Variants in FHOD3 observed in about 807,000 individuals in gnomAD.
The protein encoded by FHOD3 is FH1/FH2 domain-containing protein 3.
In FHOD3, 90 loss-of-function variants were observed where a neutral mutation model predicts 173.0. The observed-to-expected ratio is 0.52, with a 90% confidence interval of 0.44 to 0.62. FHOD3 has a LOEUF of 0.62. FHOD3 is among the 20% of genes least tolerant of loss of function. The pLI, the probability that FHOD3 is intolerant of heterozygous loss-of-function variation, is 0.00. For missense variants in FHOD3, 1,945 were observed against 2,034.7 expected (o/e 0.96, Z 0.85); for synonymous variants, 828 against 823.0 (o/e 1.01, Z -0.10).
intron 15 of FHOD3, among the ~76,000 whole-genome samples, chr18:36,685,686 T>C (rs956245697): frequency 6.6e-6 from 1 of 152,184 alleles, no homozygotes; most frequent in African/African-American, 2.4e-5. Flanking sequence ...ACTGCCCCTT[T>C]ATATCCAGTT....
intron 5 of FHOD3, among the ~76,000 whole-genome samples, chr18:36,572,654 C>CT (rs1228163286): frequency 6.6e-6 from 1 of 152,126 alleles, no homozygotes; most frequent in Non-Finnish European, 1.5e-5. Flanking sequence ...GCTTTTAAAC[C>CT]TTAGTTTGCC....
intron 9 of FHOD3, among the ~76,000 whole-genome samples, chr18:36,622,812 C>T (rs2033815826): frequency 6.6e-6 from 1 of 152,208 alleles, no homozygotes; most frequent in Non-Finnish European, 1.5e-5. Flanking sequence ...GAGCCGAAAG[C>T]ATTTGGAAAT....
At chr18:36,379,139 CA>C (rs1292429732) in intron 3 of FHOD3, among the ~76,000 whole-genome samples, 1 of 152,166 alleles carries the variant, frequency 6.6e-6, no homozygotes, top group African/African-American at 2.4e-5. Flanking sequence ...CATCTACAGA[CA>C]TGCGGATAAA....
intron 17 of FHOD3, among the ~76,000 whole-genome samples, chr18:36,703,440 C>T (rs998485523): frequency 2.0e-5 from 3 of 152,094 alleles, no homozygotes; most frequent in Non-Finnish European, 2.9e-5. Context: ...TAGCTCTGGG[C>T]AAGTTGCTTA....
chr18:36,696,821 C>T (rs2039311401), intron 17 of FHOD3, among the ~76,000 whole-genome samples: 1 of 152,178 alleles, frequency 6.6e-6, no homozygotes, highest in Non-Finnish European at 1.5e-5. Context: ...CTCCTGTTTG[C>T]ACTGTGTTGG....
At chr18:36,582,557 A>G (rs2058890637) in intron 6 of FHOD3, among the ~76,000 whole-genome samples, 1 of 152,164 alleles carries the variant, frequency 6.6e-6, no homozygotes, top group Non-Finnish European at 1.5e-5. Context: ...ATGCTTGTGC[A>G]TTGTTTTGTT....
intron 5 of FHOD3, among the ~76,000 whole-genome samples, chr18:36,566,474 G>T (rs1278811540): frequency 6.6e-6 from 1 of 152,140 alleles, no homozygotes; most frequent in African/African-American, 2.4e-5. Context: ...AGAGACAAAG[G>T]AGCCCAGATG....
intron 4 of FHOD3, among the ~76,000 whole-genome samples, chr18:36,510,758 A>G (rs952777866): frequency 2.6e-5 from 4 of 152,172 alleles, no homozygotes; most frequent in Admixed American, 6.5e-5. Context: ...GTGTAAAGTA[A>G]TTTTCCAAAA....
chr18:36,604,221 G>A (rs548007500), intron 8 of FHOD3, among the ~76,000 whole-genome samples: 22 of 152,266 alleles, frequency 1.4e-4, no homozygotes, highest in African/African-American at 4.8e-4. Context: ...CTCCTTACAC[G>A]CTCATGCTGG....
At chr18:36,599,235 G>C (rs2030980460) in intron 7 of FHOD3, among the ~76,000 whole-genome samples, 1 of 152,224 alleles carries the variant, frequency 6.6e-6, no homozygotes, top group Admixed American at 6.5e-5. Context: ...CAAGTGACCA[G>C]AGAGGATAAC....
Position 36,354,815 on chromosome 18 carries a change from A to T in FHOD3, c.166-724A>T, listed in dbSNP as rs1018178090. Among the ~76,000 whole-genome samples, 15 of 151,288 alleles carry T rather than the reference A, an allele frequency of 9.9e-5. No homozygotes were observed. In the South Asian group the frequency reaches 1.0e-3, roughly 11 times the overall value. ...AGCGAGACTCTGTCGCCAAAAAAAA[A>T]AAAATAAAAATTTTTAAAAATGAGA... On this transcript the variant is annotated intron_variant, in intron 1 of 28. Coordinates refer to ENST00000590592, the MANE Select transcript of FHOD3 (RefSeq NM_001281740.3).
intron 1 of FHOD3, among the ~76,000 whole-genome samples, chr18:36,348,645 C>T (rs1210652189): frequency 6.6e-6 from 1 of 152,166 alleles, no homozygotes. Context: ...GGGTCCTTGG[C>T]TGACTGCTCC....
intron 3 of FHOD3, among the ~76,000 whole-genome samples, chr18:36,498,983 C>G (rs968057761): frequency 9.9e-5 from 15 of 152,118 alleles, no homozygotes; most frequent in African/African-American, 3.6e-4. Flanking sequence ...CTAAAGGAGA[C>G]TTTAACTGTG....
chr18:36,356,559 G>A (rs552223009), intron 2 of FHOD3, among the ~76,000 whole-genome samples: 7 of 151,900 alleles, frequency 4.6e-5, no homozygotes, highest in South Asian at 2.1e-4. Flanking sequence ...GTGCAGTGGC[G>A]TGATCTCGGC....
Position 36,753,570 on chromosome 18 carries a change from G to A in FHOD3, c.4233-1549G>A, listed in dbSNP as rs372467157. Among the ~76,000 whole-genome samples, 19 of 152,226 alleles carry A rather than the reference G, an allele frequency of 1.2e-4. No individual in the cohort carries two copies. The East Asian group carries it at 1.4e-3, about 11-fold the overall frequency. On this transcript the variant is annotated intron_variant, in intron 24 of 28. Transcript: ENST00000590592. ...TACACATATTTTCATTTCTTTTTATGCAAATGAGAAAAATTGCTAAGTCAT... is the reference window on the plus strand; with the variant it reads ...TACACATATTTTCATTTCTTTTTATACAAATGAGAAAAATTGCTAAGTCAT...
chr18:36,764,343 G>A (rs1320759615), intron 27 of FHOD3, among the ~76,000 whole-genome samples: 2 of 152,118 alleles, frequency 1.3e-5, no homozygotes, highest in Non-Finnish European at 2.9e-5. Context: ...ATGGCAAGGG[G>A]TATCACTTTT....
In FHOD3 at chr18:36,528,500, A is replaced by G. The variant is rs911325456; in HGVS notation, c.511+15957A>G. ...TATGTAAAGGGCACCATGCTGAGAG[A>G]TCCGAAGGGCAATTTCATGATGTCC... On this transcript the variant is annotated intron_variant, in intron 5 of 28. Transcript: ENST00000590592. 1.3e-5 allele frequency among the ~76,000 whole-genome samples: 2 copies of G among 152,104 alleles called. 1 individual carries two copies. The highest frequency in any genetic ancestry group is 1.3e-4 in the Admixed American group (2 of 15,258).
intron 3 of FHOD3, among the ~76,000 whole-genome samples, chr18:36,465,385 G>C (rs758441311): frequency 6.6e-6 from 1 of 152,156 alleles, no homozygotes; most frequent in African/African-American, 2.4e-5. Flanking sequence ...AATGATGTTC[G>C]TGGCTGCCTC....
intron 9 of FHOD3, among the ~76,000 whole-genome samples, chr18:36,621,425 T>C (rs1206524116): frequency 2.0e-5 from 3 of 152,220 alleles, no homozygotes; most frequent in Non-Finnish European, 4.4e-5. Context: ...TTGAGCCTTA[T>C]TCAGCTGGGA....
Sources: gnomAD v4.1 joint callset for allele counts (sites outside exome capture counted in the v4.1 genomes callset) on GRCh38, gnomAD v4.1.1 for gene constraint, MANE v1.5 for transcripts, NCBI Gene and HGNC (gene_info 2026-07-23, HGNC 2026-07-21) for gene names.